The following CATSPERB variants were observed in gnomAD, a reference collection of about 807,000 sequenced individuals.
CATSPERB encodes the protein cation channel sperm-associated auxiliary subunit beta.
A neutral mutation model predicts 128.3 loss-of-function variants in CATSPERB; 93 were observed. The ratio of observed to expected loss-of-function variants is 0.72; its 90% CI spans 0.61 to 0.86. The LOEUF (loss-of-function observed/expected upper bound fraction) is 0.86. CATSPERB is among the 40% of genes least tolerant of loss of function. The probability of loss-of-function intolerance (pLI) is 0.00; values close to 1 mark genes in which losing one functional copy is unlikely to be tolerated. For missense variants in CATSPERB, 1,153 were observed against 1,329.5 expected, an observed-to-expected ratio of 0.87 and a Z score of 2.06; for synonymous variants, 381 against 448.8, an observed-to-expected ratio of 0.85 and a Z score of 1.91.
At chr14:91,669,627 C>T (rs1895050770) in intron 14 of CATSPERB, among the ~76,000 whole-genome samples, 187 bp downstream of exon 14, 1 of 152,174 alleles carries the variant, frequency 6.6e-6, no homozygotes. Context: ...CAATGAACTA[C>T]CTGAAAGGTA....
intron 9 of CATSPERB, among the ~76,000 whole-genome samples, 181 bp from the exon 10 acceptor site, chr14:91,691,736 G>C (rs1895474827): frequency 6.6e-6 from 1 of 152,096 alleles, no homozygotes; most frequent in South Asian, 2.1e-4. Context: ...AGCAAACTCT[G>C]ATATAGTTTA....
chr14:91,727,006 G>T (rs187287506), intron 2 of CATSPERB, among the ~76,000 whole-genome samples: 19 of 152,280 alleles, frequency 1.2e-4, no homozygotes, highest in African/African-American at 3.4e-4. Flanking sequence ...CACAGGCCCA[G>T]ATAGGGAACA....
chr14:91,629,034 G>A (rs900703923), intron 17 of CATSPERB, among the ~76,000 whole-genome samples: 7 of 152,236 alleles, frequency 4.6e-5, no homozygotes, highest in Admixed American at 6.5e-5. Flanking sequence ...CAAATGAGTC[G>A]AAAACTTATA....
chr14:91,699,559 G>C (rs369732845), intron 7 of CATSPERB, among the ~76,000 whole-genome samples: 2 of 151,444 alleles, frequency 1.3e-5, no homozygotes. Context: ...AAGCCTACTT[G>C]ATCATGATGA....
intron 5 of CATSPERB, 150 bp from the exon 6 acceptor site, chr14:91,708,386 C>A: frequency 1.7e-6 from 1 of 585,998 alleles, no homozygotes; most frequent in Non-Finnish European, 3.0e-6. Context: ...ATACGTTTTC[C>A]CTATAAACAT....
chr14:91,612,534 G>C (rs1448412396), intron 20 of CATSPERB, among the ~76,000 whole-genome samples: 1 of 152,030 alleles, frequency 6.6e-6, no homozygotes, highest in African/African-American at 2.4e-5. Context: ...ATTTTTGCTA[G>C]ATTTTAAAAA....
At chr14:91,728,420 G>GT (rs946190507) in intron 2 of CATSPERB, among the ~76,000 whole-genome samples, 1 of 152,082 alleles carries the variant, frequency 6.6e-6, no homozygotes, top group South Asian at 2.1e-4. Context: ...TGGCCAAAGA[G>GT]TTTTTTCTAA....
At chr14:91,716,250 C>CA (rs929576324) in intron 5 of CATSPERB, among the ~76,000 whole-genome samples, 1 of 151,994 alleles carries the variant, frequency 6.6e-6, no homozygotes, top group African/African-American at 2.4e-5. Context: ...CAAATAAGCA[C>CA]AAAAAAAGAT....
chr14:91,661,327 T>G (rs1276318962), intron 14 of CATSPERB, among the ~76,000 whole-genome samples: 1 of 152,062 alleles, frequency 6.6e-6, no homozygotes, highest in African/African-American at 2.4e-5. Flanking sequence ...TCCTATAGTC[T>G]CCAACTTATG....
intron 23 of CATSPERB, 70 bp from the exon 24 acceptor site, chr14:91,589,739 A>C (rs1893364739): frequency 6.8e-7 from 1 of 1,468,856 alleles, no homozygotes; most frequent in Admixed American, 1.9e-5. Context: ...CCTGGTAAAA[A>C]ACGAAAAGAT....
At chr14:91,725,807 C>T (rs181686332) in intron 2 of CATSPERB, among the ~76,000 whole-genome samples, 55 of 152,268 alleles carry the variant, frequency 3.6e-4, no homozygotes, top group Non-Finnish European at 3.8e-4. Context: ...GCCTGGAAAC[C>T]CACAGCCCTA....
At chr14:91,721,157 C>A (rs2139778796) in intron 4 of CATSPERB, among the ~76,000 whole-genome samples, 1 of 152,204 alleles carries the variant, frequency 6.6e-6, no homozygotes, top group Middle Eastern at 3.4e-3. Flanking sequence ...AATTTCATAA[C>A]CTTGAGTCAG....
At chr14:91,588,525 T>G (rs1476072426) in intron 24 of CATSPERB, among the ~76,000 whole-genome samples, 3 of 152,206 alleles carry the variant, frequency 2.0e-5, no homozygotes, top group African/African-American at 4.8e-5. Flanking sequence ...AGTAAAGTTT[T>G]ACAATGAGAT....
At chr14:91,621,488 G>A in intron 19 of CATSPERB, 120 bp downstream of exon 19, 2 of 731,050 alleles carry the variant, frequency 2.7e-6, no homozygotes, top group Non-Finnish European at 4.4e-6. Flanking sequence ...ACTGTTAGTA[G>A]TAGAATGCCA....
At chr14:91,677,508 A>G (rs1895211007) in intron 11 of CATSPERB, among the ~76,000 whole-genome samples, 1 of 152,252 alleles carries the variant, frequency 6.6e-6, no homozygotes, top group South Asian at 2.1e-4. Flanking sequence ...CCACAATGAG[A>G]TACCATCTTA....
intron 25 of CATSPERB, 75 bp from the exon 26 acceptor site, chr14:91,587,351 C>T: frequency 9.6e-7 from 1 of 1,040,078 alleles, no homozygotes. Context: ...AAAATATACC[C>T]TGGGGCCACT....
chr14:91,631,292 C>A (rs976290066), intron 17 of CATSPERB, among the ~76,000 whole-genome samples: 6 of 152,274 alleles, frequency 3.9e-5, no homozygotes, highest in East Asian at 3.9e-4. Flanking sequence ...TTTACTGAAA[C>A]CTTTGTGTGT....
At chr14:91,602,339 A>T (rs935257470) in intron 22 of CATSPERB, among the ~76,000 whole-genome samples, 1 of 152,222 alleles carries the variant, frequency 6.6e-6, no homozygotes, top group Non-Finnish European at 1.5e-5. Context: ...AATTATTTTC[A>T]AGTTTGTTTT....
chr14:91,633,227 T>C (rs1894309045), intron 17 of CATSPERB, among the ~76,000 whole-genome samples: 1 of 152,168 alleles, frequency 6.6e-6, no homozygotes, highest in Non-Finnish European at 1.5e-5. Context: ...CTGTCTTATG[T>C]CAGTTTAATT....
Sources: gnomAD v4.1 joint callset for allele counts (sites outside exome capture counted in the v4.1 genomes callset) on GRCh38, gnomAD v4.1.1 for gene constraint, MANE v1.5 for transcripts, NCBI Gene and HGNC (gene_info 2026-07-23, HGNC 2026-07-21) for gene names.